The following ASAP1 variants were observed in gnomAD, a reference collection of about 807,000 sequenced individuals.
ASAP1 encodes arf-GAP with SH3 domain, ANK repeat and PH domain-containing protein 1.
Under a neutral mutation model 145.2 loss-of-function variants are expected in ASAP1, and 43 were observed. That is an observed-to-expected ratio of 0.30 (90% CI 0.23 to 0.38). The LOEUF (loss-of-function observed/expected upper bound fraction) is 0.38, where lower values mean the gene tolerates loss of function less well. ASAP1 is among the 10% of genes least tolerant of loss of function. The probability of loss-of-function intolerance (pLI) is 1.00; values close to 1 mark genes in which losing one functional copy is unlikely to be tolerated. For missense variants in ASAP1, 1,018 were observed against 1,355.3 expected, an observed-to-expected ratio of 0.75 and a Z score of 3.91; for synonymous variants, 546 against 515.5, an observed-to-expected ratio of 1.06 and a Z score of -0.80.
intron 2 of ASAP1, among the ~76,000 whole-genome samples, chr8:130,378,991 G>A (rs1192158352): frequency 6.6e-6 from 1 of 152,176 alleles, no homozygotes; most frequent in Non-Finnish European, 1.5e-5. Context: ...CAGAACTCTT[G>A]CAGCCTCCTG....
At chr8:130,064,981 C>A (rs1430393040) in intron 27 of ASAP1, among the ~76,000 whole-genome samples, 1 of 151,348 alleles carries the variant, frequency 6.6e-6, no homozygotes. Context: ...CTCAAGCTAT[C>A]CTCCCACCTC....
chr8:130,328,487 C>A (rs556000703), intron 3 of ASAP1, among the ~76,000 whole-genome samples: 1 of 152,238 alleles, frequency 6.6e-6, no homozygotes, highest in East Asian at 1.9e-4. Context: ...CTGTGGTAGG[C>A]CCTCCACACA....
intron 3 of ASAP1, among the ~76,000 whole-genome samples, chr8:130,306,661 C>A (rs1823010706): frequency 6.6e-6 from 1 of 152,102 alleles, no homozygotes; most frequent in African/African-American, 2.4e-5. Context: ...GTTAAATTAG[C>A]AGATGTAAGG....
chr8:130,070,500 C>T (rs1564924473), intron 27 of ASAP1, among the ~76,000 whole-genome samples: 2 of 152,122 alleles, frequency 1.3e-5, no homozygotes, highest in African/African-American at 4.8e-5. Context: ...AGCTAGAGTG[C>T]TGGCAGGGAC....
At chr8:130,155,471 A>G (rs2097656525) in intron 12 of ASAP1, among the ~76,000 whole-genome samples, 1 of 152,170 alleles carries the variant, frequency 6.6e-6, no homozygotes, top group Non-Finnish European at 1.5e-5. Flanking sequence ...GGCTCAAGCG[A>G]TACTCCCACC....
chr8:130,226,755 C>G (rs796860645), intron 4 of ASAP1, among the ~76,000 whole-genome samples: 5 of 152,332 alleles, frequency 3.3e-5, no homozygotes, highest in African/African-American at 1.2e-4. Flanking sequence ...TTAAACAGCA[C>G]CTGAACATCA....
intron 1 of ASAP1, among the ~76,000 whole-genome samples, chr8:130,412,035 G>A (rs1252313389): frequency 6.6e-6 from 1 of 152,220 alleles, no homozygotes; most frequent in African/African-American, 2.4e-5. Context: ...CGCAGGCCCT[G>A]TATGGGTATC....
chr8:130,168,469 AC>A (rs2097684667), intron 10 of ASAP1, among the ~76,000 whole-genome samples: 2 of 152,300 alleles, frequency 1.3e-5, no homozygotes, highest in South Asian at 4.1e-4. Context: ...ACACAGTGAA[AC>A]CCCATCTGTA....
In ASAP1 at chr8:130,236,971, G is replaced by A. The variant is rs753586496; in HGVS notation, c.210C>T (p.Ala70=). The change falls in exon 4 of 30, where the codon GCC becomes GCT. Residue 70 remains alanine, a synonymous_variant. Transcript: ENST00000518721. ...LEEALDQDRT[A]LQKVKKSVKA... ...TTACAGACTTCTTCACTTTCTGAAG[G>A]GCTGTTCTATCTTGGTCTAGAGCCT... is the stretch of plus-strand genomic sequence containing the variant. 5 of 1,604,544 alleles carry A rather than the reference G, an allele frequency of 3.1e-6. No individual in the cohort carries two copies. Among genetic ancestry groups the A allele is most frequent in the Non-Finnish European group, 4.3e-6 (5 of 1,175,280 alleles).
At chr8:130,364,888 C>T (rs1406153290) in intron 2 of ASAP1, among the ~76,000 whole-genome samples, 1 of 152,120 alleles carries the variant, frequency 6.6e-6, no homozygotes, top group Non-Finnish European at 1.5e-5. Context: ...TATGATTGCA[C>T]CACTGCACCT....
chr8:130,422,700 G>A (rs569680612), intron 1 of ASAP1, among the ~76,000 whole-genome samples: 1 of 152,294 alleles, frequency 6.6e-6, no homozygotes, highest in Non-Finnish European at 1.5e-5. Flanking sequence ...ACAAATCTTG[G>A]TTCATTTCCC....
chr8:130,327,736 T>C (rs1247314663), intron 3 of ASAP1, among the ~76,000 whole-genome samples: 3 of 152,020 alleles, frequency 2.0e-5, no homozygotes, highest in Non-Finnish European at 4.4e-5. Flanking sequence ...AGAAAGTAGC[T>C]TAGTAAAGGA....
At chr8:130,268,961 G>A (rs991816513) in intron 3 of ASAP1, among the ~76,000 whole-genome samples, 2 of 152,124 alleles carry the variant, frequency 1.3e-5, no homozygotes, top group African/African-American at 4.8e-5. Flanking sequence ...GGAGGAGGAG[G>A]GAGGGTGGAG....
chr8:130,180,661 G>A, intron 8 of ASAP1, 90 bp downstream of exon 8: 2 of 1,411,596 alleles, frequency 1.4e-6, no homozygotes, highest in South Asian at 2.8e-5. Context: ...ATCAAACAGA[G>A]TCTGCCTTTA....
At chr8:130,062,023 G>A (rs1486798834) in intron 27 of ASAP1, among the ~76,000 whole-genome samples, 1 of 152,224 alleles carries the variant, frequency 6.6e-6, no homozygotes, top group Non-Finnish European at 1.5e-5. Context: ...GGGTTGGCAT[G>A]CAGATTACAT....
chr8:130,170,729 T>C (rs953262440), intron 9 of ASAP1, among the ~76,000 whole-genome samples: 3 of 151,066 alleles, frequency 2.0e-5, no homozygotes, highest in African/African-American at 7.3e-5. Flanking sequence ...ATGTAAAGCC[T>C]CATCTCTCTC....
intron 24 of ASAP1, among the ~76,000 whole-genome samples, chr8:130,095,206 G>A (rs991988430): frequency 1.3e-5 from 2 of 151,916 alleles, no homozygotes; most frequent in Non-Finnish European, 2.9e-5. Context: ...TTGTATTAGG[G>A]CCAGGCTTTT....
At chr8:130,349,053 G>A (rs1361509457) in intron 3 of ASAP1, among the ~76,000 whole-genome samples, 1 of 152,230 alleles carries the variant, frequency 6.6e-6, no homozygotes, top group Non-Finnish European at 1.5e-5. Flanking sequence ...GGTTGCACTG[G>A]TAGAGCCCAT....
intron 27 of ASAP1, among the ~76,000 whole-genome samples, chr8:130,067,082 T>C (rs370746147): frequency 1.2e-3 from 185 of 152,366 alleles, no homozygotes; most frequent in African/African-American, 4.1e-3. Context: ...CTGCTGCTCA[T>C]TGAAAGCAAA....
Sources: allele counts gnomAD v4.1 joint callset (sites outside exome capture counted in the v4.1 genomes callset), GRCh38; gene constraint gnomAD v4.1.1; transcripts MANE v1.5; gene names NCBI Gene and HGNC (gene_info 2026-07-23, HGNC 2026-07-21).